Variants in PLXND1 observed in about 807,000 individuals in gnomAD.
PLXND1 encodes plexin D1.
PLXND1 carries 54 observed loss-of-function variants against 197.7 expected under a neutral mutation model. The ratio of observed to expected loss-of-function variants is 0.27; its 90% confidence interval spans 0.22 to 0.34. PLXND1 has a LOEUF of 0.34. Ranked by LOEUF, PLXND1 falls within the 10% of genes least tolerant of loss-of-function variation. The pLI is 1.00. For missense variants in PLXND1, 2,127 were observed against 2,699.2 expected (o/e 0.79, Z 4.70); for synonymous variants, 1,180 against 1,161.2 (o/e 1.02, Z -0.33).
intron 1 of PLXND1, among the ~76,000 whole-genome samples, chr3:129,599,643 G>A (rs1226504990): frequency 6.6e-6 from 1 of 152,224 alleles, no homozygotes; most frequent in Non-Finnish European, 1.5e-5. Context: ...GCAACTAGAA[G>A]TTCCTTGCCT....
At chr3:129,597,129 G>T (rs2085637280) in intron 1 of PLXND1, among the ~76,000 whole-genome samples, 1 of 152,240 alleles carries the variant, frequency 6.6e-6, no homozygotes, top group East Asian at 1.9e-4. Context: ...TTACAGTAAA[G>T]GAAACTGAGG....
intron 31 of PLXND1, among the ~76,000 whole-genome samples, 160 bp downstream of exon 31, chr3:129,560,170 C>A: frequency 6.6e-6 from 1 of 152,212 alleles, no homozygotes; most frequent in East Asian, 1.9e-4. Context: ...GGACCCTAAG[C>A]CTTCAGCCTC....
chr3:129,586,774 C>T, intron 2 of PLXND1, 55 bp from the exon 3 acceptor site: 1 of 1,572,930 alleles, frequency 6.4e-7, no homozygotes, highest in Non-Finnish European at 8.6e-7. Context: ...GAGGCCAAAC[C>T]CAGGGGACAA....
Position 129,573,678 on chromosome 3 carries a change from C to T in PLXND1, c.2753G>A (p.Arg918Gln), listed in dbSNP as rs767215800. The T allele has an allele frequency of 2.2e-5, 36 of 1,613,628 alleles. No individual in the cohort carries two copies. The highest frequency in any genetic ancestry group is 2.6e-5 in the Non-Finnish European group (31 of 1,180,032). The change falls in exon 13 of 36, where the codon CGG becomes CAG. Residue 918 changes from arginine to glutamine, a missense_variant. Physicochemically the swap from Arg to Gln is conservative, Grantham distance 43 (BLOSUM62 1). Around this residue, in one of 6 missense-constraint regions of PLXND1, gnomAD observed 1,095 missense variants for 1,259.8 expected, o/e 0.87. Coordinates refer to ENST00000324093, the MANE Select transcript of PLXND1 (RefSeq NM_015103.3). ...LLTIRGRNLG[R>Q]RLSDVAHGVW... ...GCCGTGGGCCACGTCACTGAGCCGC[C>T]GGCCCAGGTTCCTTCCTCGGATGGT...
chr3:129,593,175 T>C (rs996403254), intron 1 of PLXND1, among the ~76,000 whole-genome samples: 1 of 152,074 alleles, frequency 6.6e-6, no homozygotes, highest in Non-Finnish European at 1.5e-5. Context: ...CTCCTGGCTG[T>C]CCTCGGGATC....
At position 129,571,858 on chromosome 3, in the gene PLXND1, C is replaced by G. The variant is rs1452853998; in HGVS notation, c.3078-14G>C. 1.9e-6 allele frequency: 3 copies of G among 1,596,364 alleles called. No individual in the cohort carries two copies. Among genetic ancestry groups the G allele is most frequent in the African/African-American group, 2.7e-5 (2 of 74,676 alleles). On this transcript the variant is annotated splice_polypyrimidine_tract_variant and intron_variant, in intron 15 of 35. Coordinates refer to ENST00000324093, the MANE Select transcript of PLXND1 (RefSeq NM_015103.3). ...GTATCTGTGCGCCTGGGGGGAGCAG[C>G]AGGTTATCAGCAGGGCCTGCCTTCT...
chr3:129,599,013 C>A (rs1234380837), intron 1 of PLXND1, among the ~76,000 whole-genome samples: 2 of 152,206 alleles, frequency 1.3e-5, no homozygotes, highest in Admixed American at 1.3e-4. Context: ...TGGGGCAGTT[C>A]TGGTGTCAGA....
At chr3:129,584,355 G>C in intron 6 of PLXND1, 30 bp downstream of exon 6, 1 of 1,607,218 alleles carries the variant, frequency 6.2e-7, no homozygotes, top group Non-Finnish European at 8.5e-7. Flanking sequence ...CTGCCCCTCT[G>C]GGGCTGTGCC....
chr3:129,583,989 G>A (rs1296615297), intron 7 of PLXND1, 136 bp downstream of exon 7: 2 of 653,428 alleles, frequency 3.1e-6, no homozygotes, highest in African/African-American at 3.6e-5. Context: ...ATGTGCTGGT[G>A]AATGAACAAC....
rs191705656 is a variant in PLXND1 at position 129,558,349 on chromosome 3, G to A, written c.5445+79C>T. On this transcript the variant is annotated intron_variant, in intron 33 of 35. Coordinates refer to ENST00000324093, the MANE Select transcript of PLXND1 (RefSeq NM_015103.3). This position sits in a 1 kb window ranked among gnomAD's most constrained non-coding sequence, Gnocchi z 4.1. ...GAAGATCTCTGAGCTCAGCCTCAGA[G>A]AGTCGAGGAGGCTACCCATGGTCGG... 2.0e-5 allele frequency: 27 copies of A among 1,362,404 alleles called. No homozygotes were observed. In the Middle Eastern group the frequency reaches 8.8e-4, roughly 44 times the overall value. The allele number at this position is 1,362,404 out of a possible 1,614,324, so 84.4% of individuals were successfully genotyped here. A position where few individuals can be genotyped will look rare whatever the true frequency, so the allele number is the denominator to read the frequency against.
chr3:129,589,307 G>GCCGGCCCACCCCCCCCCCCC, intron 2 of PLXND1, 44 bp downstream of exon 2: 2 of 684,692 alleles, frequency 2.9e-6, no homozygotes, highest in Non-Finnish European at 2.6e-6. Flanking sequence ...TCCCAGGGGA[G>GCCGGCCCACCCCCCCCCCCC]CCTCCCACCC....
At chr3:129,559,806 C>T (rs1214613884) in intron 31 of PLXND1, 23 bp from the exon 32 acceptor site, 5 of 1,567,184 alleles carry the variant, frequency 3.2e-6, no homozygotes, top group Non-Finnish European at 4.3e-6. Context: ...GGGGTGGCCG[C>T]CGTCAGCCCC....
intron 23 of PLXND1, 116 bp downstream of exon 23, chr3:129,566,411 T>C: frequency 4.2e-6 from 3 of 715,094 alleles, no homozygotes; most frequent in South Asian, 3.0e-5. Flanking sequence ...CAATGGCAGA[T>C]GCCTCCCAAC....
At chr3:129,574,853 C>A (rs558164870) in intron 11 of PLXND1, among the ~76,000 whole-genome samples, 3 of 152,342 alleles carry the variant, frequency 2.0e-5, no homozygotes, top group East Asian at 3.9e-4. Context: ...CCCACCCAGA[C>A]CTCAGTGGGT....
Position 129,575,807 on chromosome 3 carries a change from C to T in PLXND1, c.2395G>A (p.Val799Met). 6.2e-6 allele frequency: 10 copies of T among 1,613,742 alleles called. No individual in the cohort carries two copies. Among genetic ancestry groups the T allele is most frequent in the Non-Finnish European group, 7.6e-6 (9 of 1,179,694 alleles). ...CGTACAACAGACTCATTCACCCACA[C>T]AGCCTCGAAGATCTCCTCCAGCCCA... ...SFGLEEIFEA[V>M]WVNESVVRCD... Residue 799 changes from valine to methionine, a missense_variant, in exon 10 of 36, where the codon GTG becomes ATG. Physicochemically the swap from Val to Met is conservative, Grantham distance 21. Around this residue, in one of 6 missense-constraint regions of PLXND1, gnomAD observed 1,095 missense variants for 1,259.8 expected, o/e 0.87. Coordinates refer to ENST00000324093, the MANE Select transcript of PLXND1 (RefSeq NM_015103.3).
In PLXND1 at chr3:129,573,528, G is replaced by C. The variant is rs572171278; in HGVS notation, c.2837+66C>G. On this transcript the variant is annotated intron_variant, in intron 13 of 35. Coordinates refer to ENST00000324093, the MANE Select transcript of PLXND1 (RefSeq NM_015103.3). Reference sequence around the variant, plus strand: ...GAGGACAGAGGATGGGGAGGGAGGAGTGAGGAGGACAGAGCAGAGGCTGGC... The same window carrying C: ...GAGGACAGAGGATGGGGAGGGAGGACTGAGGAGGACAGAGCAGAGGCTGGC... 28 of 1,445,314 alleles carry C rather than the reference G, an allele frequency of 1.9e-5. No homozygotes were observed. The East Asian group carries it at 6.2e-4, about 32-fold the overall frequency. The allele number at this position is 1,445,314 out of a possible 1,614,324, so 89.5% of individuals were successfully genotyped here.
chr3:129,578,819 C>T (rs577845543), intron 8 of PLXND1, among the ~76,000 whole-genome samples: 7 of 152,290 alleles, frequency 4.6e-5, no homozygotes, highest in African/African-American at 1.7e-4. Context: ...GCACCCACTC[C>T]CTGAGATGCC....
chr3:129,599,649 T>A (rs1184123786), intron 1 of PLXND1, among the ~76,000 whole-genome samples: 2 of 152,206 alleles, frequency 1.3e-5, no homozygotes, highest in Non-Finnish European at 2.9e-5. Context: ...AGAAGTTCCT[T>A]GCCTCCCCTG....
At chr3:129,563,340 AC>A (rs2085090969) in intron 25 of PLXND1, 100 bp from the exon 26 acceptor site, 1 of 970,594 alleles carries the variant, frequency 1.0e-6, no homozygotes, top group Non-Finnish European at 1.5e-6. Flanking sequence ...AACCCCTCCA[AC>A]AGTCTCCTTT....
Sources: allele counts gnomAD v4.1 joint callset (sites outside exome capture counted in the v4.1 genomes callset), GRCh38; gene constraint gnomAD v4.1.1; regional missense constraint gnomAD v4.1.1; non-coding constraint Gnocchi (gnomAD v3.1); transcripts MANE v1.5; gene names NCBI Gene and HGNC (gene_info 2026-07-23, HGNC 2026-07-21).